TDP1: variants seen among roughly 807,000 people sequenced by gnomAD.
TDP1 encodes the protein tyrosyl-DNA phosphodiesterase 1, also known as tyr-DNA phosphodiesterase 1.
In TDP1, 64 loss-of-function variants were observed where a neutral mutation model predicts 81.5. That is an observed-to-expected ratio of 0.79 (90% confidence interval 0.64 to 0.97). The LOEUF (loss-of-function observed/expected upper bound fraction) is 0.97, where lower values mean the gene tolerates loss of function less well. Among genes scored for constraint, TDP1 ranks in the 50% least tolerant of loss-of-function variants. The pLI is 0.00. For missense variants in TDP1, 723 were observed against 743.8 expected, an observed-to-expected ratio of 0.97 and a Z score of 0.33; for synonymous variants, 256 against 264.3, an observed-to-expected ratio of 0.97 and a Z score of 0.30.
At position 89,991,947 on chromosome 14, in the gene TDP1, C is replaced by G. The variant is rs148525862; in HGVS notation, c.1397C>G (p.Thr466Arg). 2 of 1,612,554 alleles carry G rather than the reference C, an allele frequency of 1.2e-6. No individual in the cohort carries two copies. The highest frequency in any genetic ancestry group is 1.7e-6 in the Non-Finnish European group (2 of 1,179,546). Residue 466 changes from threonine (T) to arginine (R), a missense_variant, in exon 13 of 17, where the codon ACA (threonine) becomes AGA (arginine). Coordinates refer to ENST00000335725, the MANE Select transcript of TDP1 (RefSeq NM_018319.4). ...AGGSLPYSIQ[T>R]AEKQNWLHSY... Reference sequence around the variant, plus strand: ...GGCTCTCTTCCCTATAGCATCCAGACAGCTGAAAAACAGAATTGGCTGCAT... The same window carrying G: ...GGCTCTCTTCCCTATAGCATCCAGAGAGCTGAAAAACAGAATTGGCTGCAT...
At chr14:90,002,580 C>T (rs190651723) in intron 14 of TDP1, among the ~76,000 whole-genome samples, 167 of 151,966 alleles carry the variant, frequency 1.1e-3, no homozygotes, top group Non-Finnish European at 3.1e-4. Flanking sequence ...GACCTTAAGA[C>T]GTATTCAAGC....
At chr14:90,024,519 T>C (rs1246686413) in intron 15 of TDP1, among the ~76,000 whole-genome samples, 6 of 152,206 alleles carry the variant, frequency 3.9e-5, no homozygotes, top group Admixed American at 3.9e-4. Context: ...AGTTGATCCA[T>C]ACCGAACAAT....
At chr14:90,036,123 CA>C (rs1421554779) in intron 16 of TDP1, among the ~76,000 whole-genome samples, 1 of 151,724 alleles carries the variant, frequency 6.6e-6, no homozygotes, top group Non-Finnish European at 1.5e-5. Flanking sequence ...TTGAAAGATA[CA>C]TATAATCTCA....
At chr14:90,007,182 A>G (rs938810724) in intron 14 of TDP1, among the ~76,000 whole-genome samples, 2 of 152,168 alleles carry the variant, frequency 1.3e-5, no homozygotes, top group Non-Finnish European at 2.9e-5. Context: ...TGTATCTTTT[A>G]TAGTTATTTC....
intron 16 of TDP1, 55 bp downstream of exon 16, chr14:90,033,269 G>A (rs758514557): frequency 3.9e-6 from 4 of 1,025,764 alleles, no homozygotes; most frequent in Non-Finnish European, 6.1e-6. Flanking sequence ...AAAACAAACA[G>A]AGCCCAGGAG....
chr14:90,008,359 A>G (rs1286508115), intron 14 of TDP1, among the ~76,000 whole-genome samples: 1 of 152,024 alleles, frequency 6.6e-6, no homozygotes, highest in Non-Finnish European at 1.5e-5. Flanking sequence ...ATGGTATTTA[A>G]TTCATCAGTA....
intron 5 of TDP1, among the ~76,000 whole-genome samples, chr14:89,967,679 C>G (rs1893115153): frequency 6.6e-6 from 1 of 152,194 alleles, no homozygotes; most frequent in South Asian, 2.1e-4. Context: ...ACTCAAATAA[C>G]AGAATTTCAT....
chr14:90,028,968 A>C (rs562163750), intron 15 of TDP1, among the ~76,000 whole-genome samples: 1 of 152,246 alleles, frequency 6.6e-6, no homozygotes, highest in African/African-American at 2.4e-5. Flanking sequence ...TATAATAATC[A>C]TTAACTTGGA....
rs1566937953 is a variant in TDP1 at position 90,043,181 on chromosome 14, T to C, written c.*38T>C. 1 of 1,613,852 alleles carries C rather than the reference T, an allele frequency of 6.2e-7. No homozygotes were observed. The highest frequency in any genetic ancestry group is 2.2e-5 in the East Asian group (1 of 44,882). On this transcript the variant is annotated 3_prime_UTR_variant, in exon 17 of 17. Transcript: ENST00000335725. ...ACTGTGAAATTTAAGTGTAAGACAT[T>C]GAGCCACAAACATGGAATCTCTTCT...
At chr14:90,024,716 C>T (rs182893554) in intron 15 of TDP1, among the ~76,000 whole-genome samples, 44 of 152,262 alleles carry the variant, frequency 2.9e-4, no homozygotes, top group Admixed American at 7.8e-4. Flanking sequence ...CTTACAAATG[C>T]CAATCCCTAT....
rs1251856846 is a variant in TDP1, at chr14:89,984,668, ATC to A, written c.1043_1044del (p.Ser348Ter). On this transcript the variant is annotated frameshift_variant, in exon 9 of 17. Transcript: ENST00000335725. LOFTEE classifies it high-confidence loss of function. ...TGGATAGATGTCATTCACAAGCACG[ATC>A]TCTCTGAAACAAAGTATGTGTCAGC... The A allele has an allele frequency of 1.2e-6, 2 of 1,613,938 alleles. No homozygotes were observed. Among genetic ancestry groups the A allele is most frequent in the Admixed American group, 1.7e-5 (1 of 60,022 alleles).
Position 90,044,039 on chromosome 14 carries a change from C to T in TDP1, c.*896C>T, listed in dbSNP as rs977744851. 6.6e-6 allele frequency: 1 copy of T among 152,300 alleles called. No individual in the cohort carries two copies. Among genetic ancestry groups the T allele is most frequent in the African/African-American group, 2.4e-5 (1 of 41,450 alleles). 9.4% of individuals were successfully genotyped at this position (152,300 alleles called of 1,614,324 possible). A position where few individuals can be genotyped will look rare whatever the true frequency, so the allele number is the denominator to read the frequency against. Reference sequence around the variant, plus strand: ...AGCTAAGAATTGTATTGACTGTCCTCACAGCGGCTTTTCATAGCTTTCAGC... The same window carrying T: ...AGCTAAGAATTGTATTGACTGTCCTTACAGCGGCTTTTCATAGCTTTCAGC... On this transcript the variant is annotated 3_prime_UTR_variant, in exon 17 of 17. Coordinates refer to ENST00000335725, the MANE Select transcript of TDP1 (RefSeq NM_018319.4).
At chr14:89,971,857 G>A (rs1893702365) in intron 6 of TDP1, among the ~76,000 whole-genome samples, 1 of 152,078 alleles carries the variant, frequency 6.6e-6, no homozygotes, top group Non-Finnish European at 1.5e-5. Flanking sequence ...GACACCTTAT[G>A]TAACTTATAT....
intron 14 of TDP1, among the ~76,000 whole-genome samples, chr14:90,009,739 A>T (rs1884475209): frequency 6.6e-6 from 1 of 152,266 alleles, no homozygotes; most frequent in South Asian, 2.1e-4. Flanking sequence ...GAGTTTAAAC[A>T]TGATTTCAAG....
intron 14 of TDP1, among the ~76,000 whole-genome samples, chr14:89,996,194 T>C (rs976536250): frequency 8.5e-5 from 13 of 152,196 alleles, no homozygotes; most frequent in Admixed American, 5.2e-4. Context: ...CCTTCACCTT[T>C]CTGAAACATA....
intron 2 of TDP1, among the ~76,000 whole-genome samples, chr14:89,957,635 G>A (rs1891818702): frequency 6.6e-6 from 1 of 152,214 alleles, no homozygotes; most frequent in Admixed American, 6.5e-5. Context: ...GGGGAGTGAG[G>A]AAACACTAGT....
At chr14:90,033,996 G>A (rs35376485) in intron 16 of TDP1, among the ~76,000 whole-genome samples, 448 of 152,196 alleles carry the variant, frequency 2.9e-3, no homozygotes, top group African/African-American at 0.01. Flanking sequence ...GAGCCCAGGA[G>A]TTTGAGGCTG....
At position 90,030,177 on chromosome 14, in the gene TDP1, T is replaced by C. The variant is rs571018702; in HGVS notation, c.1645-2929T>C. Among the ~76,000 whole-genome samples the C allele has an allele frequency of 7.2e-5, 11 of 152,302 alleles. 1 individual carries two copies. Among genetic ancestry groups the C allele is most frequent in the African/African-American group, 2.6e-4 (11 of 41,572 alleles). On this transcript the variant is annotated intron_variant, in intron 15 of 16. Transcript: ENST00000335725. The stretch of plus-strand genomic sequence containing the variant: ...GTGAGCAGGGAAACCTGGGGGCAGG[T>C]GCTGCCGAGCTGGCCTGCCTGCCCT...
chr14:89,998,777 T>A (rs1896945610), intron 14 of TDP1, among the ~76,000 whole-genome samples: 1 of 151,942 alleles, frequency 6.6e-6, no homozygotes, highest in Non-Finnish European at 1.5e-5. Flanking sequence ...TGTGTTTGAT[T>A]AACAGCAAAG....
Sources: allele counts gnomAD v4.1 joint callset (sites outside exome capture counted in the v4.1 genomes callset), GRCh38; gene constraint gnomAD v4.1.1; transcripts MANE v1.5; gene names NCBI Gene and HGNC (gene_info 2026-07-23, HGNC 2026-07-21).